Variants in ROS1 observed in about 807,000 individuals in gnomAD.
The protein encoded by ROS1 is proto-oncogene tyrosine-protein kinase ROS.
In ROS1, 263 loss-of-function variants were observed where a neutral mutation model predicts 273.5. That is an observed-to-expected ratio of 0.96 (90% CI 0.87 to 1.06). The LOEUF is 1.06. Ranked by LOEUF, ROS1 falls within the 50% of genes least tolerant of loss-of-function variation. The pLI is 0.00. For synonymous variants in ROS1, 1,008 were observed against 954.1 expected (o/e 1.06, Z -1.04); for missense variants, 2,833 against 2,751.1 (o/e 1.03, Z -0.67).
At chr6:117,378,097 A>G (rs570782550) in intron 18 of ROS1, among the ~76,000 whole-genome samples, 1 of 152,294 alleles carries the variant, frequency 6.6e-6, no homozygotes, top group South Asian at 2.1e-4. Flanking sequence ...AATGGCACAA[A>G]CATTTTGAAA....
intron 18 of ROS1, among the ~76,000 whole-genome samples, chr6:117,367,307 C>T (rs957697484): frequency 2.0e-5 from 3 of 152,116 alleles, no homozygotes; most frequent in Admixed American, 2.0e-4. Context: ...AAAAAAGACA[C>T]ACCCAAAGAG....
intron 1 of ROS1, 130 bp from the exon 2 acceptor site, chr6:117,418,636 C>G: frequency 1.7e-6 from 1 of 588,738 alleles, no homozygotes; most frequent in East Asian, 3.2e-5. Context: ...AGTAAAGAGC[C>G]AAATGTTTTA....
chr6:117,308,968 C>T (rs1406540944), intron 41 of ROS1, 40 bp from the exon 42 acceptor site: 1 of 1,590,778 alleles, frequency 6.3e-7, no homozygotes. Flanking sequence ...ATACTTATTA[C>T]AAACACCAGG....
intron 27 of ROS1, among the ~76,000 whole-genome samples, chr6:117,347,658 G>A (rs987192238): frequency 2.0e-5 from 3 of 152,050 alleles, no homozygotes; most frequent in African/African-American, 7.2e-5. Context: ...CTGATTTAGT[G>A]AGAAAGCCTC....
chr6:117,417,369 T>C (rs952389798), intron 2 of ROS1, among the ~76,000 whole-genome samples: 1 of 152,146 alleles, frequency 6.6e-6, no homozygotes, highest in African/African-American at 2.4e-5. Context: ...CGAAGCCCTA[T>C]TGACTTATCT....
rs758263799 is a variant in ROS1, at chr6:117,389,616, T to C, written c.1520A>G (p.Asp507Gly). Residue 507 changes from aspartate to glycine, a missense_variant, in exon 13 of 44, where the codon GAT becomes GGT. By Grantham distance (94) the Asp-to-Gly change is moderately conservative. Transcript: ENST00000368507. ...HLILPRIPFA[D>G]VKSFACENND... ...GTTTTCACAAGCAAAACTTTTCACA[T>C]CAGCAAAGGGGATGCGAGGTAGGAT... 1.2e-6 allele frequency: 2 copies of C among 1,614,190 alleles called. No homozygotes were observed. The highest frequency in any genetic ancestry group is 1.3e-5 in the African/African-American group (1 of 75,040).
intron 23 of ROS1, 43 bp downstream of exon 23, chr6:117,360,299 C>CACACA: frequency 6.9e-7 from 1 of 1,455,518 alleles, no homozygotes. Flanking sequence ...CACACACACA[C>CACACA]GCCTCTAAAT....
At chr6:117,309,569 T>C (rs1361562903) in intron 41 of ROS1, among the ~76,000 whole-genome samples, 1 of 152,158 alleles carries the variant, frequency 6.6e-6, no homozygotes, top group African/African-American at 2.4e-5. Flanking sequence ...TTAAAAGTCA[T>C]TGAACAAACT....
intron 5 of ROS1, among the ~76,000 whole-genome samples, chr6:117,409,227 T>C (rs1345801097): frequency 3.1e-5 from 4 of 129,578 alleles, no homozygotes; most frequent in Non-Finnish European, 6.4e-5. Context: ...AATAAATAAA[T>C]AAATAAAAAA....
intron 16 of ROS1, among the ~76,000 whole-genome samples, chr6:117,385,447 C>T (rs773739092): frequency 5.3e-5 from 8 of 151,568 alleles, no homozygotes; most frequent in African/African-American, 1.2e-4. Flanking sequence ...TCCAGCTACT[C>T]GGGAGGCAGA....
chr6:117,317,723 G>C (rs1485346468), intron 38 of ROS1, among the ~76,000 whole-genome samples: 1 of 152,046 alleles, frequency 6.6e-6, no homozygotes. Context: ...CACAGCTTGA[G>C]ACCCAATCAA....
chr6:117,352,012 A>C (rs1475068237), intron 27 of ROS1, among the ~76,000 whole-genome samples: 4 of 152,340 alleles, frequency 2.6e-5, no homozygotes, highest in African/African-American at 9.6e-5. Context: ...GTTATAGTTA[A>C]TTTAGAATGA....
chr6:117,290,416 G>T (rs1038796526), intron 43 of ROS1, among the ~76,000 whole-genome samples: 1 of 152,120 alleles, frequency 6.6e-6, no homozygotes, highest in South Asian at 2.1e-4. Flanking sequence ...GTAGAGATAG[G>T]TTGTCTTATT....
At chr6:117,403,404 T>C in intron 6 of ROS1, 127 bp from the exon 7 acceptor site, 3 of 950,556 alleles carry the variant, frequency 3.2e-6, no homozygotes, top group Admixed American at 2.9e-5. Flanking sequence ...GGCCTGGAGC[T>C]TAGAGCTAAG....
At chr6:117,305,139 T>C (rs523206) in intron 42 of ROS1, among the ~76,000 whole-genome samples, 111,083 of 152,052 alleles carry the variant, frequency 0.73, 40,697 homozygotes, top group African/African-American at 0.78. Flanking sequence ...AGTGTGAGAA[T>C]GAACTAATAC....
At chr6:117,403,669 C>T (rs1305183822) in intron 6 of ROS1, among the ~76,000 whole-genome samples, 1 of 152,018 alleles carries the variant, frequency 6.6e-6, no homozygotes, top group Non-Finnish European at 1.5e-5. Flanking sequence ...TGCCCTCCAT[C>T]CTAGCTAGAC....
intron 18 of ROS1, among the ~76,000 whole-genome samples, chr6:117,374,886 G>T (rs1781183384): frequency 6.6e-6 from 1 of 152,218 alleles, no homozygotes; most frequent in Admixed American, 6.5e-5. Context: ...ATGGAAAACA[G>T]TGTGAAAATT....
At chr6:117,336,364 T>A (rs937033896) in intron 32 of ROS1, among the ~76,000 whole-genome samples, 2 of 150,440 alleles carry the variant, frequency 1.3e-5, no homozygotes, top group Non-Finnish European at 3.0e-5. Flanking sequence ...GTTGTTCCCC[T>A]CCTTGTGTCC....
chr6:117,377,096 A>C (rs1326604957), intron 18 of ROS1, among the ~76,000 whole-genome samples: 1 of 152,160 alleles, frequency 6.6e-6, no homozygotes, highest in African/African-American at 2.4e-5. Context: ...ATAGACCTAC[A>C]CATACACAGT....
Sources: allele counts gnomAD v4.1 joint callset (sites outside exome capture counted in the v4.1 genomes callset), GRCh38; gene constraint gnomAD v4.1.1; transcripts MANE v1.5; gene names NCBI Gene and HGNC (gene_info 2026-07-23, HGNC 2026-07-21).